MOK: variants seen among roughly 807,000 people sequenced by gnomAD.
MOK encodes the protein MOK protein kinase.
Under a neutral mutation model 54.2 loss-of-function variants are expected in MOK, and 59 were observed. The observed-to-expected ratio is 1.09, with a 90% CI of 0.88 to 1.35. MOK has a LOEUF of 1.35. MOK is among the 40% of genes most tolerant of loss of function. MOK has a pLI of 0.00. For missense variants in MOK, 517 were observed against 526.2 expected, an observed-to-expected ratio of 0.98 and a Z score of 0.17; for synonymous variants, 210 against 202.7, an observed-to-expected ratio of 1.04 and a Z score of -0.31.
At chr14:102,246,191 C>CATCCTCCCTAGATGCCCTGCTTTTGTCT (rs2066077248) in intron 7 of MOK, 2 of 152,116 alleles carry the variant, frequency 1.3e-5, no homozygotes, top group Admixed American at 1.3e-4. Context: ...AACATTCCCA[C>CATCCTCCCTAGATGCCCTGCTTTTGTCT]ATCCTCCCTA....
At chr14:102,264,611 A>G (rs989626460) in intron 3 of MOK, 5 of 152,258 alleles carry the variant, frequency 3.3e-5, no homozygotes, top group African/African-American at 1.2e-4. Flanking sequence ...TGGGAAGTGC[A>G]CGACGTGCAT....
At chr14:102,263,454 T>C in intron 4 of MOK, 92 bp downstream of exon 4, 1 of 904,204 alleles carries the variant, frequency 1.1e-6, no homozygotes, top group Non-Finnish European at 1.7e-6. Flanking sequence ...TACAGCACTA[T>C]GGTGACTAAT....
intron 7 of MOK, among the ~76,000 whole-genome samples, chr14:102,242,810 T>C (rs931627780): frequency 1.3e-5 from 2 of 152,076 alleles, no homozygotes; most frequent in African/African-American, 4.8e-5. Flanking sequence ...CCATATACTC[T>C]CCTATCCTCA....
At chr14:102,222,924 TC>T (rs776553631), downstream of MOK, 2 of 1,612,728 alleles carry the variant, frequency 1.2e-6, no homozygotes, top group Non-Finnish European at 1.7e-6. This position sits in a 1 kb window ranked among gnomAD's most constrained non-coding sequence, Gnocchi z 4.4. Flanking sequence ...GGACTTGGAC[TC>T]GAGGGAGTGA....
intron 1 of MOK, among the ~76,000 whole-genome samples, chr14:102,293,883 G>C (rs1301152578): frequency 1.3e-5 from 2 of 152,094 alleles, no homozygotes; most frequent in African/African-American, 4.8e-5. Flanking sequence ...TGTGTGTAAA[G>C]GTGAACATTT....
chr14:102,246,544 T>C (rs2066106273), intron 7 of MOK, among the ~76,000 whole-genome samples: 1 of 152,122 alleles, frequency 6.6e-6, no homozygotes. Flanking sequence ...GACTGCTGGC[T>C]CTGCGTATCC....
the MOK span, among the ~76,000 whole-genome samples, chr14:102,218,296 C>G: frequency 6.6e-6 from 1 of 152,208 alleles, no homozygotes; most frequent in African/African-American, 2.4e-5. Context: ...ATCCACATCC[C>G]ACAGCTGTCT....
chr14:102,275,293 G>A lies in MOK; in HGVS notation c.122+8185C>T, dbSNP rs549818867. Among the ~76,000 whole-genome samples, 15 of 152,324 alleles carry A rather than the reference G, an allele frequency of 9.8e-5. No individual in the cohort carries two copies. In the South Asian group the frequency reaches 1.2e-3, roughly 13 times the overall value. On this transcript the variant is annotated intron_variant, in intron 2 of 11. Coordinates refer to ENST00000361847, the MANE Select transcript of MOK (RefSeq NM_014226.3). ...AATTTAAGATGGATTGGCCGGGCAC[G>A]GCGGCTCACGCCTGTAATCCCAGCA...
At chr14:102,294,229 G>A (rs7154627) in intron 1 of MOK, among the ~76,000 whole-genome samples, 143,856 of 151,880 alleles carry the variant, frequency 0.95, 68,173 homozygotes, top group East Asian at 0.97. Context: ...GGCGGATCAC[G>A]AGGTCAGGAG....
In MOK at chr14:102,265,928, AAATGGATAGCTC is replaced by A. The variant is rs1039594644; in HGVS notation, c.123-28_123-17del. 1.9e-6 allele frequency: 3 copies of A among 1,586,134 alleles called. No individual in the cohort carries two copies. The highest frequency in any genetic ancestry group is 3.4e-5 in the Admixed American group (2 of 59,330). ...TTGCTCAATACTATCGTGTAGGTAAAAATGGATAGCTCATTCACAGTTTAGGTCAACTTCAAA... is the reference window on the plus strand; with the variant it reads ...TTGCTCAATACTATCGTGTAGGTAAAATTCACAGTTTAGGTCAACTTCAAA... On this transcript the variant is annotated splice_polypyrimidine_tract_variant and intron_variant, in intron 2 of 11. Transcript: ENST00000361847.
intron 2 of MOK, among the ~76,000 whole-genome samples, chr14:102,273,860 T>G (rs949157671): frequency 2.0e-5 from 3 of 152,218 alleles, no homozygotes; most frequent in Non-Finnish European, 2.9e-5. Context: ...ACCATGTTTA[T>G]GAATTGCAAA....
intron 4 of MOK, among the ~76,000 whole-genome samples, chr14:102,256,136 T>C (rs2066928550): frequency 6.6e-6 from 1 of 151,950 alleles, no homozygotes; most frequent in African/African-American, 2.4e-5. Flanking sequence ...TCTCACTCTG[T>C]TGCCCAGGCT....
chr14:102,228,087 GTTCCCA>G (rs1048602765), downstream of MOK, among the ~76,000 whole-genome samples: 8 of 152,224 alleles, frequency 5.3e-5, no homozygotes, highest in Non-Finnish European at 1.0e-4. Context: ...TCTTTGCAAT[GTTCCCA>G]TTCCCATCCC....
chr14:102,214,975 A>G, the MOK span: 1 of 985,114 alleles, frequency 1.0e-6, no homozygotes, highest in Admixed American at 6.2e-5. Context: ...GTATACTGAC[A>G]TTAAATAAAC....
chr14:102,222,936 C>T (rs113637000), downstream of MOK: 1,030 of 1,607,140 alleles, frequency 6.4e-4, 4 homozygotes, highest in African/African-American at 0.011. The surrounding 1 kb of genome is among the most constrained non-coding windows in gnomAD (Gnocchi z 4.4). Flanking sequence ...GAGGGAGTGA[C>T]GAGGAGGAGC....
chr14:102,246,197 C>T (rs758326627), intron 7 of MOK: 1 of 152,142 alleles, frequency 6.6e-6, no homozygotes. Flanking sequence ...CCCACATCCT[C>T]CCTAGATGCC....
At chr14:102,224,884 CTG>C, downstream of MOK, 4 of 437,576 alleles carry the variant, frequency 9.1e-6, no homozygotes, top group East Asian at 7.0e-5. Flanking sequence ...AGAGTGACCT[CTG>C]TATTAAAATA....
chr14:102,220,815 C>T (rs926748123), downstream of MOK, among the ~76,000 whole-genome samples: 8 of 152,194 alleles, frequency 5.3e-5, no homozygotes, highest in African/African-American at 1.4e-4. The surrounding 1 kb of genome is among the most constrained non-coding windows in gnomAD (Gnocchi z 4.2). Flanking sequence ...CTCTATCCCC[C>T]AGGCTGGAGT....
At position 102,265,932 on chromosome 14, in the gene MOK, G is replaced by A. The variant is rs2067871096; in HGVS notation, c.123-20C>T. 1 of 1,569,792 alleles carries A rather than the reference G, an allele frequency of 6.4e-7. No homozygotes were observed. The highest frequency in any genetic ancestry group is 1.3e-5 in the African/African-American group (1 of 74,110). Reference sequence around the variant, plus strand: ...TCAATACTATCGTGTAGGTAAAAATGGATAGCTCATTCACAGTTTAGGTCA... The same window carrying A: ...TCAATACTATCGTGTAGGTAAAAATAGATAGCTCATTCACAGTTTAGGTCA... On this transcript the variant is annotated intron_variant, in intron 2 of 11. Coordinates refer to ENST00000361847, the MANE Select transcript of MOK (RefSeq NM_014226.3).
Sources: allele counts gnomAD v4.1 joint callset (sites outside exome capture counted in the v4.1 genomes callset), GRCh38; gene constraint gnomAD v4.1.1; non-coding constraint Gnocchi (gnomAD v3.1); transcripts MANE v1.5; gene names NCBI Gene and HGNC (gene_info 2026-07-23, HGNC 2026-07-21).